SLC25A21: variants seen among roughly 807,000 people sequenced by gnomAD.
The protein encoded by SLC25A21 is solute carrier family 25 member 21.
A neutral mutation model predicts 43.8 loss-of-function variants in SLC25A21; 47 were observed. The observed-to-expected ratio is 1.07, with a 90% CI of 0.85 to 1.37. SLC25A21 has a LOEUF of 1.37. Ranked by LOEUF, SLC25A21 falls within the 40% of genes most tolerant of loss-of-function variation. The probability of loss-of-function intolerance (pLI) is 0.00; values close to 1 mark genes in which losing one functional copy is unlikely to be tolerated. For missense variants in SLC25A21, 352 were observed against 350.2 expected (o/e 1.00, Z -0.04); for synonymous variants, 131 against 121.3 (o/e 1.08, Z -0.52).
intron 3 of SLC25A21, among the ~76,000 whole-genome samples, chr14:36,757,171 T>C (rs1388615322): frequency 6.6e-6 from 1 of 151,544 alleles, no homozygotes; most frequent in Admixed American, 6.6e-5. Context: ...GGTGGGAGAA[T>C]TGTTTGAGCC....
At chr14:37,029,061 C>A (rs777477872) in intron 1 of SLC25A21, among the ~76,000 whole-genome samples, 1 of 152,170 alleles carries the variant, frequency 6.6e-6, no homozygotes, top group African/African-American at 2.4e-5. Flanking sequence ...TATGTTTCCA[C>A]ATTATGATCT....
chr14:36,898,532 C>T (rs1409270398), intron 1 of SLC25A21, among the ~76,000 whole-genome samples: 1 of 152,120 alleles, frequency 6.6e-6, no homozygotes, highest in Non-Finnish European at 1.5e-5. Context: ...GTGTGCTGCA[C>T]CCACTGTCCT....
chr14:36,786,012 G>C (rs1887237425), intron 3 of SLC25A21, among the ~76,000 whole-genome samples: 1 of 152,132 alleles, frequency 6.6e-6, no homozygotes, highest in Non-Finnish European at 1.5e-5. Flanking sequence ...TTATTTCTTG[G>C]GGACAAATGT....
intron 1 of SLC25A21, among the ~76,000 whole-genome samples, chr14:36,893,424 T>C (rs1474512673): frequency 1.3e-5 from 2 of 152,216 alleles, no homozygotes; most frequent in East Asian, 3.9e-4. Flanking sequence ...TTTGAGTTCA[T>C]TGAAGATTCT....
chr14:36,767,494 T>C (rs1287592819), intron 3 of SLC25A21, among the ~76,000 whole-genome samples: 3 of 152,204 alleles, frequency 2.0e-5, no homozygotes, highest in Non-Finnish European at 4.4e-5. Context: ...GCTAGGAAGA[T>C]CAAGTCTATA....
intron 1 of SLC25A21, among the ~76,000 whole-genome samples, chr14:36,962,318 T>C (rs1460749343): frequency 6.6e-6 from 1 of 152,178 alleles, no homozygotes. Flanking sequence ...CAGTTGCTTT[T>C]TTGTGTGAGA....
intron 6 of SLC25A21, among the ~76,000 whole-genome samples, chr14:36,718,709 T>C (rs1288103840): frequency 2.6e-5 from 4 of 152,096 alleles, no homozygotes; most frequent in African/African-American, 7.2e-5. Context: ...TGTAGAGCTA[T>C]ATTTATTGGT....
chr14:36,859,788 T>A (rs1245244094), intron 2 of SLC25A21, among the ~76,000 whole-genome samples: 1 of 152,212 alleles, frequency 6.6e-6, no homozygotes, highest in African/African-American at 2.4e-5. Flanking sequence ...GAAAAAAATC[T>A]GTGAATTGAT....
At chr14:36,923,718 T>TCAAC (rs1380533948) in intron 1 of SLC25A21, among the ~76,000 whole-genome samples, 1 of 152,068 alleles carries the variant, frequency 6.6e-6, no homozygotes, top group Non-Finnish European at 1.5e-5. Context: ...ATCCTCAGAT[T>TCAAC]CAACCAACTG....
At chr14:36,753,919 CAGAG>C (rs56871881) in intron 3 of SLC25A21, among the ~76,000 whole-genome samples, 23,359 of 129,992 alleles carry the variant, frequency 0.18, 1,719 homozygotes, top group South Asian at 0.25. Context: ...TCACTGGGGA[CAGAG>C]AGAGAGAGAG....
At chr14:36,878,603 G>GGTA (rs1349984331) in intron 1 of SLC25A21, among the ~76,000 whole-genome samples, 1 of 152,046 alleles carries the variant, frequency 6.6e-6, no homozygotes, top group East Asian at 1.9e-4. Context: ...GAAACTGAGT[G>GGTA]GTACCATGTG....
intron 2 of SLC25A21, among the ~76,000 whole-genome samples, chr14:36,831,357 A>C (rs148238142): frequency 1.7e-3 from 262 of 152,332 alleles, no homozygotes; most frequent in African/African-American, 6.0e-3. Flanking sequence ...GTATTGTAGG[A>C]AGCTGTACTT....
intron 3 of SLC25A21, among the ~76,000 whole-genome samples, chr14:36,798,665 TAAAG>T (rs1887757876): frequency 6.6e-6 from 1 of 152,056 alleles, no homozygotes; most frequent in African/African-American, 2.4e-5. Flanking sequence ...AGAAGGCTGG[TAAAG>T]AAAATGACAT....
At chr14:36,764,195 A>AAAGAAAGAAAGAAG (rs1467823292) in intron 3 of SLC25A21, among the ~76,000 whole-genome samples, 15 of 149,354 alleles carry the variant, frequency 1.0e-4, no homozygotes, top group South Asian at 4.3e-4. Context: ...AAAGAAAGAG[A>AAAGAAAGAAAGAAG]AAGAAAGAAA....
intron 1 of SLC25A21, among the ~76,000 whole-genome samples, chr14:37,049,428 T>C (rs56189235): frequency 0.012 from 1,747 of 151,878 alleles, 30 homozygotes; most frequent in African/African-American, 0.04. Context: ...AAAAATTCGC[T>C]GGGCATGGTG....
chr14:36,839,920 GTAT>G (rs1889329738), intron 2 of SLC25A21, among the ~76,000 whole-genome samples: 1 of 152,166 alleles, frequency 6.6e-6, no homozygotes. Context: ...TAAAAATATA[GTAT>G]TATAATCTCA....
At chr14:36,883,237 C>T (rs1366279246) in intron 1 of SLC25A21, among the ~76,000 whole-genome samples, 5 of 152,210 alleles carry the variant, frequency 3.3e-5, no homozygotes, top group Admixed American at 6.5e-5. Context: ...CTCCCCTCCA[C>T]TGGCTCTACT....
intron 1 of SLC25A21, among the ~76,000 whole-genome samples, chr14:36,908,457 A>G (rs540398322): frequency 2.0e-5 from 3 of 152,308 alleles, no homozygotes; most frequent in South Asian, 2.1e-4. Flanking sequence ...AGCAAAGGAT[A>G]AAACACTAAA....
At chr14:37,056,539 A>AT (rs1425903384) in intron 1 of SLC25A21, among the ~76,000 whole-genome samples, 3 of 151,950 alleles carry the variant, frequency 2.0e-5, no homozygotes, top group Admixed American at 1.3e-4. Context: ...TAGAGCCAGC[A>AT]TAAGAATGGA....
Sources: allele counts gnomAD v4.1 joint callset (sites outside exome capture counted in the v4.1 genomes callset), GRCh38; gene constraint gnomAD v4.1.1; transcripts MANE v1.5; gene names NCBI Gene and HGNC (gene_info 2026-07-23, HGNC 2026-07-21).